The following ATP6V0E1 variants were observed in gnomAD, a reference collection of about 807,000 sequenced individuals.
ATP6V0E1 encodes the protein ATPase H+ transporting V0 subunit e1, also known as V-type proton ATPase subunit e 1.
A neutral mutation model predicts 11.6 loss-of-function variants in ATP6V0E1; 4 were observed. The observed-to-expected ratio is 0.35, with a 90% CI of 0.17 to 0.79. The LOEUF (loss-of-function observed/expected upper bound fraction) is 0.79. Among genes scored for constraint, ATP6V0E1 ranks in the 30% least tolerant of loss-of-function variants. The pLI, the probability that ATP6V0E1 is intolerant of heterozygous loss-of-function variation, is 0.54. For missense variants in ATP6V0E1, 105 were observed against 100.0 expected, an observed-to-expected ratio of 1.05 and a Z score of -0.21; for synonymous variants, 36 against 34.8, an observed-to-expected ratio of 1.04 and a Z score of -0.13.
chr5:173,019,602 T>C (rs1393331569), intron 2 of ATP6V0E1, among the ~76,000 whole-genome samples: 1 of 152,112 alleles, frequency 6.6e-6, no homozygotes, highest in Non-Finnish European at 1.5e-5. Flanking sequence ...TTACTTCCTT[T>C]ATAGTTTAGT....
chr5:172,992,253 G>C (rs1377330311), intron 1 of ATP6V0E1, among the ~76,000 whole-genome samples: 1 of 152,056 alleles, frequency 6.6e-6, no homozygotes, highest in Non-Finnish European at 1.5e-5. Context: ...GGGTTTCACC[G>C]TGTTAGCCAG....
chr5:173,022,095 T>C (rs1194890927), intron 3 of ATP6V0E1, among the ~76,000 whole-genome samples: 2 of 152,226 alleles, frequency 1.3e-5, no homozygotes, highest in Non-Finnish European at 2.9e-5. Context: ...TCAGAGAGGT[T>C]AGTAGTGGTA....
chr5:172,999,452 T>C (rs1756119941), intron 2 of ATP6V0E1, among the ~76,000 whole-genome samples: 1 of 152,102 alleles, frequency 6.6e-6, no homozygotes, highest in Non-Finnish European at 1.5e-5. Context: ...GCCTCCTGAG[T>C]AGCTGGGACT....
At chr5:173,006,339 G>A (rs894143359) in intron 2 of ATP6V0E1, among the ~76,000 whole-genome samples, 12 of 152,120 alleles carry the variant, frequency 7.9e-5, no homozygotes, top group Non-Finnish European at 1.5e-4. Context: ...GGCCGGGCAC[G>A]ATGGCTCACG....
rs1362532157 is a variant in ATP6V0E1 at position 172,989,321 on chromosome 5, AGAGT to A, written c.104+5361_104+5364del. Among the ~76,000 whole-genome samples the A allele has an allele frequency of 3.9e-5, 6 of 152,280 alleles. No homozygotes were observed. The South Asian group carries it at 6.2e-4, about 16-fold the overall frequency. On this transcript the variant is annotated intron_variant, in intron 1 of 3. Transcript: ENST00000519374. Reference sequence around the variant, plus strand: ...GCCACTGCATTCTAGCCTAGGCAACAGAGTGAGACCCCATCCCTTAAAAAAAAAA... The same window carrying A: ...GCCACTGCATTCTAGCCTAGGCAACAGAGACCCCATCCCTTAAAAAAAAAA...
chr5:172,986,977 G>A (rs148949914), intron 1 of ATP6V0E1: 6,341 of 246,550 alleles, frequency 0.026, 404 homozygotes, highest in African/African-American at 0.14. Flanking sequence ...TAGTAGAGAC[G>A]GGATTTCACC....
At chr5:173,005,078 T>C (rs1237006130) in intron 2 of ATP6V0E1, among the ~76,000 whole-genome samples, 1 of 151,952 alleles carries the variant, frequency 6.6e-6, no homozygotes, top group Non-Finnish European at 1.5e-5. Flanking sequence ...AAAGTGTGAG[T>C]CCTCCATCTT....
chr5:173,027,012 T>TA (rs937917180), intron 3 of ATP6V0E1, among the ~76,000 whole-genome samples: 3 of 147,638 alleles, frequency 2.0e-5, no homozygotes, highest in African/African-American at 5.0e-5. Flanking sequence ...CCATCTCTAC[T>TA]AAAAAAATAC....
chr5:173,032,932 T>C (rs997332892), intron 3 of ATP6V0E1, among the ~76,000 whole-genome samples: 1 of 152,058 alleles, frequency 6.6e-6, no homozygotes. Context: ...CCCATTTCTA[T>C]GAAAAATTTA....
In ATP6V0E1 at chr5:173,001,256, A is replaced by G. The variant is rs186387136; in HGVS notation, c.152+6434A>G. ...CCCCCTGTCCTCTTTAATAAGGAGA[A>G]GCAGATAAAACAAATCAAGAGCCAG... On this transcript the variant is annotated intron_variant, in intron 2 of 3. Transcript: ENST00000519374. Among the ~76,000 whole-genome samples, 162 of 152,318 alleles carry G rather than the reference A, an allele frequency of 1.1e-3. 1 individual carries two copies. The highest frequency in any genetic ancestry group is 3.7e-3 in the African/African-American group (155 of 41,572).
chr5:173,000,465 C>T (rs1379056229), intron 2 of ATP6V0E1, among the ~76,000 whole-genome samples: 1 of 152,148 alleles, frequency 6.6e-6, no homozygotes, highest in East Asian at 1.9e-4. Flanking sequence ...ATTGTGAAGA[C>T]ACAGTTGTTT....
At chr5:173,017,267 C>T (rs1479236796) in intron 2 of ATP6V0E1, among the ~76,000 whole-genome samples, 1 of 152,216 alleles carries the variant, frequency 6.6e-6, no homozygotes, top group Admixed American at 6.5e-5. Flanking sequence ...GGCGTGGTGG[C>T]TCACCCCTGT....
chr5:173,020,627 C>G, intron 3 of ATP6V0E1: 3 of 537,032 alleles, frequency 5.6e-6, no homozygotes, highest in South Asian at 4.4e-5. Context: ...TGCATGCACT[C>G]TTTCAGACGC....
chr5:172,989,035 A>G (rs2113577807), intron 1 of ATP6V0E1, among the ~76,000 whole-genome samples: 1 of 152,294 alleles, frequency 6.6e-6, no homozygotes, highest in African/African-American at 2.4e-5. Flanking sequence ...TAAATGATCA[A>G]AAATATCTTC....
chr5:172,987,353 G>A lies in ATP6V0E1; in HGVS notation c.104+3389G>A, dbSNP rs543599013. Reference sequence around the variant, plus strand: ...GGCTGGAGTGCAGTGGTGCCATCTTGGCTCACTGCAACCTCCACCTGCTGG... The same window carrying A: ...GGCTGGAGTGCAGTGGTGCCATCTTAGCTCACTGCAACCTCCACCTGCTGG... On this transcript the variant is annotated intron_variant, in intron 1 of 3. Transcript: ENST00000519374. 6.1e-5 allele frequency among the ~76,000 whole-genome samples: 9 copies of A among 146,496 alleles called. No homozygotes were observed. In the South Asian group the frequency reaches 2.0e-3, roughly 32 times the overall value.
chr5:173,019,931 G>A lies in ATP6V0E1; in HGVS notation c.153-307G>A, dbSNP rs904261007. Among the ~76,000 whole-genome samples, 3 of 152,188 alleles carry A rather than the reference G, an allele frequency of 2.0e-5. No individual in the cohort carries two copies. In the East Asian group the frequency reaches 5.8e-4, roughly 29 times the overall value. The stretch of plus-strand genomic sequence containing the variant: ...TGAGATTAAGTGAAAACGCTTTGAA[G>A]CGAAGATATCATGAATTCAGGAAAT... On this transcript the variant is annotated intron_variant, in intron 2 of 3. Transcript: ENST00000519374.
chr5:172,990,969 GT>G (rs1259094072), intron 1 of ATP6V0E1, among the ~76,000 whole-genome samples: 1 of 149,918 alleles, frequency 6.7e-6, no homozygotes, highest in African/African-American at 2.4e-5. Context: ...GTTTTGTTTT[GT>G]TTTAAAGAGT....
intron 2 of ATP6V0E1, among the ~76,000 whole-genome samples, chr5:173,000,518 T>A (rs1227874088): frequency 6.6e-6 from 1 of 152,142 alleles, no homozygotes; most frequent in East Asian, 1.9e-4. Context: ...TAACTGTAAA[T>A]CTTACTGGCA....
chr5:173,019,916 T>G (rs889937055), intron 2 of ATP6V0E1, among the ~76,000 whole-genome samples: 2 of 152,136 alleles, frequency 1.3e-5, no homozygotes, highest in Admixed American at 1.3e-4. Flanking sequence ...TGAGATTAAG[T>G]GAAAACGCTT....
Sources: allele counts gnomAD v4.1 joint callset (sites outside exome capture counted in the v4.1 genomes callset), GRCh38; gene constraint gnomAD v4.1.1; transcripts MANE v1.5; gene names NCBI Gene and HGNC (gene_info 2026-07-23, HGNC 2026-07-21).